Variants in DNAH2 observed in about 807,000 individuals in gnomAD.
DNAH2 encodes axonemal beta dynein heavy chain 2.
In DNAH2, 323 loss-of-function variants were observed where a neutral mutation model predicts 523.5. That is an observed-to-expected ratio of 0.62 (90% CI 0.56 to 0.68). DNAH2 has a LOEUF of 0.68. Among genes scored for constraint, DNAH2 ranks in the 30% least tolerant of loss-of-function variants. DNAH2 has a pLI of 0.00. For synonymous variants in DNAH2, 2,093 were observed against 2,177.4 expected (o/e 0.96, Z 1.08); for missense variants, 4,907 against 5,701.5 (o/e 0.86, Z 4.49).
chr17:7,804,869 C>T, intron 59 of DNAH2, 89 bp from the exon 60 acceptor site: 3 of 1,184,580 alleles, frequency 2.5e-6, no homozygotes, highest in East Asian at 2.4e-5. Flanking sequence ...AATTCTTTAG[C>T]TTTCTCTTTC....
intron 3 of DNAH2, among the ~76,000 whole-genome samples, chr17:7,726,490 A>G (rs2074815765): frequency 6.6e-6 from 1 of 151,366 alleles, no homozygotes; most frequent in Non-Finnish European, 1.5e-5. Context: ...TTTAGTAGAG[A>G]CAAGGTTTCT....
Position 7,823,993 on chromosome 17 carries a change from C to G in DNAH2, c.11478+11C>G, listed in dbSNP as rs373332747. ...CTGAATATGAAGTCGGTCGGTGGCT[C>G]GGCTTCCTTGTCCCCACGGCCCATG... On this transcript the variant is annotated intron_variant, in intron 75 of 85. Coordinates refer to ENST00000572933, the MANE Select transcript of DNAH2 (RefSeq NM_020877.5). 3.9e-5 allele frequency: 63 copies of G among 1,609,760 alleles called. No homozygotes were observed. Among genetic ancestry groups the G allele is most frequent in the Non-Finnish European group, 5.3e-5 (63 of 1,178,132 alleles).
In DNAH2 at chr17:7,792,080, C is replaced by T. The variant is rs1187411911; in HGVS notation, c.7053+11C>T. The T allele has an allele frequency of 2.5e-6, 4 of 1,612,382 alleles. No homozygotes were observed. The highest frequency in any genetic ancestry group is 3.4e-6 in the Non-Finnish European group (4 of 1,179,578). ...TCCTTTCCCAATAAGGTTGGGCGCACACCTGGCTGTCCTATTTGCCCTGTT... is the reference window on the plus strand; with the variant it reads ...TCCTTTCCCAATAAGGTTGGGCGCATACCTGGCTGTCCTATTTGCCCTGTT... On this transcript the variant is annotated intron_variant, in intron 45 of 85. Coordinates refer to ENST00000572933, the MANE Select transcript of DNAH2 (RefSeq NM_020877.5).
intron 22 of DNAH2, among the ~76,000 whole-genome samples, chr17:7,766,857 C>T (rs925649516): frequency 2.0e-5 from 3 of 151,744 alleles, no homozygotes; most frequent in African/African-American, 7.3e-5. Context: ...ACCATATTGT[C>T]CAGACTGGTC....
At position 7,824,676 on chromosome 17, in the gene DNAH2, C is replaced by T; in HGVS notation, c.11802C>T (p.Phe3934=). The T allele has an allele frequency of 6.2e-7, 1 of 1,603,480 alleles. No homozygotes were observed. Among genetic ancestry groups the T allele is most frequent in the Non-Finnish European group, 8.5e-7 (1 of 1,173,146 alleles). Residue 3934 remains phenylalanine (F), a synonymous_variant, in exon 77 of 86, where the codon TTC becomes TTT. Coordinates refer to ENST00000572933, the MANE Select transcript of DNAH2 (RefSeq NM_020877.5). ...TCAGCTCCATCCCCCACCCAGACTT[C>T]CCTATCTCAATCTTGCAGGTCAGCA... ...LWLSSIPHPD[F]PISILQVSIK... is the part of the protein sequence containing the mutation.
Position 7,786,403 on chromosome 17 carries a change from G to C in DNAH2, c.6348+61G>C. ...ACTTGAGTAGTAAGAAGACAATGGA[G>C]GGTGGGGGCCAGGGAGGACCTTGCA... On this transcript the variant is annotated intron_variant, in intron 40 of 85. Coordinates refer to ENST00000572933, the MANE Select transcript of DNAH2 (RefSeq NM_020877.5). The surrounding 1 kb of genome is among the most constrained non-coding windows in gnomAD (Gnocchi z 7.5). 1 of 1,569,026 alleles carries C rather than the reference G, an allele frequency of 6.4e-7. No homozygotes were observed. The highest frequency in any genetic ancestry group is 8.6e-7 in the Non-Finnish European group (1 of 1,156,516).
chr17:7,785,457 C>T (rs2076709735), intron 39 of DNAH2, among the ~76,000 whole-genome samples: 1 of 152,124 alleles, frequency 6.6e-6, no homozygotes, highest in African/African-American at 2.4e-5. Context: ...TTGTTTAGGA[C>T]ACTAAACACA....
At chr17:7,762,108 A>G (rs1445474497) in intron 18 of DNAH2, among the ~76,000 whole-genome samples, 1 of 152,146 alleles carries the variant, frequency 6.6e-6, no homozygotes, top group African/African-American at 2.4e-5. Context: ...AACAGATATT[A>G]CACTACCTAC....
In DNAH2 at chr17:7,766,335, G is replaced by A. The variant is rs1302862784; in HGVS notation, c.3529G>A (p.Val1177Met). ...FEFKGHFTSN[V>M]GYMSALDQIT... ...CTCCACAGGCCATTTCACCAGCAAC[G>A]TGGGATACATGTCTGCCTTAGACCA... The change falls in exon 22 of 86, where the codon GTG becomes ATG. Residue 1177 changes from valine (V) to methionine (M), a missense_variant. By Grantham distance (21) the Val-to-Met change is conservative. Coordinates refer to ENST00000572933, the MANE Select transcript of DNAH2 (RefSeq NM_020877.5). 1.2e-5 allele frequency: 20 copies of A among 1,613,538 alleles called. No individual in the cohort carries two copies. The highest frequency in any genetic ancestry group is 4.5e-5 in the East Asian group (2 of 44,872).
chr17:7,740,073 G>GT, intron 9 of DNAH2, 135 bp downstream of exon 9: 7 of 616,654 alleles, frequency 1.1e-5, no homozygotes, highest in Non-Finnish European at 1.7e-5. Flanking sequence ...GCCCGGGGGG[G>GT]GGGACAGGAG....
At chr17:7,829,557 A>C (rs1354275653) in intron 77 of DNAH2, among the ~76,000 whole-genome samples, 1 of 152,102 alleles carries the variant, frequency 6.6e-6, no homozygotes, top group Non-Finnish European at 1.5e-5. Context: ...AATCACATAG[A>C]CTGTTCTTCC....
chr17:7,770,514 G>A (rs371353183), intron 25 of DNAH2, 43 bp from the exon 26 acceptor site: 1 of 1,613,412 alleles, frequency 6.2e-7, no homozygotes, highest in African/African-American at 1.3e-5. Flanking sequence ...TCCCCTTAGT[G>A]AAGAGATACC....
intron 11 of DNAH2, among the ~76,000 whole-genome samples, chr17:7,741,653 C>T (rs549494820): frequency 4.4e-4 from 66 of 151,264 alleles, no homozygotes; most frequent in African/African-American, 1.2e-3. Flanking sequence ...CCACCGCGCC[C>T]GGCTTCTTTT....
chr17:7,790,109 G>A (rs1313917209), intron 44 of DNAH2, among the ~76,000 whole-genome samples: 2 of 152,166 alleles, frequency 1.3e-5, no homozygotes, highest in Admixed American at 1.3e-4. Flanking sequence ...GAGAGAGGTG[G>A]GATGGCCCCA....
intron 12 of DNAH2, 113 bp downstream of exon 12, chr17:7,743,255 A>G (rs1311180231): frequency 3.5e-6 from 4 of 1,153,982 alleles, no homozygotes; most frequent in Admixed American, 4.0e-5. Context: ...TTCTCATACA[A>G]TATGTTTGCT....
Position 7,817,297 on chromosome 17 carries a change from A to T in DNAH2, c.9902A>T (p.Glu3301Val), listed in dbSNP as rs773365945. The T allele has an allele frequency of 1.9e-6, 3 of 1,595,472 alleles. No homozygotes were observed. Among genetic ancestry groups the T allele is most frequent in the Non-Finnish European group, 2.6e-6 (3 of 1,175,120 alleles). The change falls in exon 65 of 86, where the codon GAG (glutamate) becomes GTG (valine). Residue 3301 changes from glutamate (E) to valine (V), a missense_variant. Transcript: ENST00000572933. ...CTCCCTCCTGTCCGCCAGGGCCTGG[A>T]GGAGGACCTGGGCTACCTGGTGGGG... ...ARWEETVQGL[E>V]EDLGYLVGDC...
intron 39 of DNAH2, among the ~76,000 whole-genome samples, chr17:7,785,703 A>G (rs1206613845): frequency 1.3e-5 from 2 of 152,232 alleles, no homozygotes; most frequent in African/African-American, 2.4e-5. Flanking sequence ...GGGCTCTTCC[A>G]CCAAACTGTG....
intron 30 of DNAH2, among the ~76,000 whole-genome samples, chr17:7,775,705 GAAA>G (rs34099534): frequency 1.6e-5 from 2 of 123,030 alleles, no homozygotes; most frequent in Admixed American, 8.5e-5. Flanking sequence ...AAAAAAAAAA[GAAA>G]AAAAAAAAAA....
chr17:7,803,126 C>T (rs925809337), intron 58 of DNAH2, among the ~76,000 whole-genome samples: 1 of 152,138 alleles, frequency 6.6e-6, no homozygotes, highest in Non-Finnish European at 1.5e-5. Context: ...TATGATATAA[C>T]TCAAGTCTGA....
Sources: allele counts gnomAD v4.1 joint callset (sites outside exome capture counted in the v4.1 genomes callset), GRCh38; gene constraint gnomAD v4.1.1; non-coding constraint Gnocchi (gnomAD v3.1); transcripts MANE v1.5; gene names NCBI Gene and HGNC (gene_info 2026-07-23, HGNC 2026-07-21).